Variants in ADCY5 observed in about 807,000 individuals in gnomAD.
The protein encoded by ADCY5 is adenylate cyclase 5.
Under a neutral mutation model 119.7 loss-of-function variants are expected in ADCY5, and 30 were observed. The observed-to-expected ratio is 0.25, with a 90% CI of 0.19 to 0.34. ADCY5 has a LOEUF of 0.34. Ranked by LOEUF, ADCY5 falls within the 10% of genes least tolerant of loss-of-function variation. ADCY5 has a pLI of 1.00. For missense variants in ADCY5, 1,324 were observed against 1,775.2 expected, an observed-to-expected ratio of 0.75 and a Z score of 4.57; for synonymous variants, 753 against 762.2, an observed-to-expected ratio of 0.99 and a Z score of 0.20.
chr3:123,327,906 T>G (rs1158421529), intron 6 of ADCY5, 147 bp from the exon 7 acceptor site: 1 of 934,658 alleles, frequency 1.1e-6, no homozygotes. Context: ...AACCTCAACC[T>G]TGCATGGTAC....
chr3:123,301,004 A>T (rs1939815425), intron 14 of ADCY5, among the ~76,000 whole-genome samples: 1 of 152,096 alleles, frequency 6.6e-6, no homozygotes, highest in Non-Finnish European at 1.5e-5. Context: ...AAGGTTTCAG[A>T]GGAGGGATCG....
intron 12 of ADCY5, 78 bp from the exon 13 acceptor site, chr3:123,304,261 G>T: frequency 1.0e-6 from 1 of 979,904 alleles, no homozygotes; most frequent in Non-Finnish European, 1.6e-6. Context: ...AAATGGTCCC[G>T]GGAGTGCAGT....
chr3:123,335,679 C>G (rs943134516), intron 3 of ADCY5, among the ~76,000 whole-genome samples: 13 of 152,154 alleles, frequency 8.5e-5, no homozygotes, highest in Non-Finnish European at 1.3e-4. Context: ...AGAGGGGTCA[C>G]TCTCAGCAGC....
At chr3:123,309,356 G>A (rs1342250745) in intron 12 of ADCY5, among the ~76,000 whole-genome samples, 1 of 152,242 alleles carries the variant, frequency 6.6e-6, no homozygotes, top group East Asian at 1.9e-4. Flanking sequence ...GCAGGCAGAA[G>A]GGGTCCCCAC....
At chr3:123,309,149 C>T (rs1355755260) in intron 12 of ADCY5, among the ~76,000 whole-genome samples, 2 of 152,176 alleles carry the variant, frequency 1.3e-5, no homozygotes, top group Non-Finnish European at 2.9e-5. Flanking sequence ...TGAGTGTCTC[C>T]AGGTACATCG....
At position 123,284,698 on chromosome 3, in the gene ADCY5, C is replaced by T. The variant is rs140582739; in HGVS notation, c.3696G>A (p.Thr1232=). Residue 1232 remains threonine (T), a synonymous_variant, in exon 21 of 21, where the codon ACG becomes ACA. Coordinates refer to ENST00000462833, the MANE Select transcript of ADCY5 (RefSeq NM_183357.3). ...CCACGCCCCGGCACTCCAGCTGGTA[C>T]GTGTTGGCAGCCAGCACCTGGTACA... ...TDMYQVLAAN[T]YQLECRGVVK... 1.8e-4 allele frequency: 293 copies of T among 1,614,216 alleles called. No homozygotes were observed. In the African/African-American group the frequency reaches 2.9e-3, roughly 16 times the overall value.
chr3:123,284,753 GGA>G lies in ADCY5; in HGVS notation c.3658-19_3658-18del, dbSNP rs1396636677. On this transcript the variant is annotated intron_variant, in intron 20 of 20. Transcript: ENST00000462833. ...TGTGGTGACCTGTGGGGGAACAGGA[GGA>G]GAGAGGGCAAGCCACTGATGGCCTT... 1 of 1,613,912 alleles carries G rather than the reference GGA, an allele frequency of 6.2e-7. No individual in the cohort carries two copies. Among genetic ancestry groups the G allele is most frequent in the South Asian group, 1.1e-5 (1 of 91,078 alleles).
Position 123,447,957 on chromosome 3 carries a change from C to G in ADCY5, c.589G>C (p.Ala197Pro). ...AGGGACAGCACCGCGCCGGGCCCCG[C>G]GCCCGAGCCCGAGTCCGCCGAGCTG... ...GGSSADSGSG[A>P]GPGAVLSLGA... The change falls in exon 1 of 21, where the codon GCG becomes CCG. Residue 197 changes from alanine (A) to proline (P), a missense_variant. Around this residue, in one of 6 missense-constraint regions of ADCY5, gnomAD observed 585 missense variants for 569.9 expected, o/e 1.03. Coordinates refer to ENST00000462833, the MANE Select transcript of ADCY5 (RefSeq NM_183357.3). 6.7e-7 allele frequency: 1 copy of G among 1,495,298 alleles called. No homozygotes were observed. The highest frequency in any genetic ancestry group is 8.9e-7 in the Non-Finnish European group (1 of 1,122,348). 92.6% of individuals were successfully genotyped at this position (1,495,298 alleles called of 1,614,324 possible). A position where few individuals can be genotyped will look rare whatever the true frequency, so the allele number is the denominator to read the frequency against.
Position 123,352,546 on chromosome 3 carries a change from G to A in ADCY5, c.1170C>T (p.Asn390=). 1.2e-6 allele frequency: 2 copies of A among 1,613,656 alleles called. No homozygotes were observed. Among genetic ancestry groups the A allele is most frequent in the Non-Finnish European group, 1.7e-6 (2 of 1,179,702 alleles). Residue 390 remains asparagine (N), a synonymous_variant, in exon 2 of 21, where the codon AAC becomes AAT. Coordinates refer to ENST00000462833, the MANE Select transcript of ADCY5 (RefSeq NM_183357.3). The surrounding 1 kb of genome is among the most constrained non-coding windows in gnomAD (Gnocchi z 4.8). ...VSNVLIFSCT[N]IVGVCTHYPA... ...GATAGTGGGTGCAGACACCCACGAT[G>A]TTGGTGCAGGAGAAAATGAGAACAT...
intron 1 of ADCY5, among the ~76,000 whole-genome samples, chr3:123,429,629 T>G (rs146934018): frequency 6.6e-6 from 1 of 151,684 alleles, no homozygotes; most frequent in East Asian, 1.9e-4. Context: ...AGCAACAGAA[T>G]GACAGTGACA....
Position 123,320,802 on chromosome 3 carries a change from A to AT in ADCY5, c.2089-32_2089-31insA, listed in dbSNP as rs765647287. 3.9e-6 allele frequency: 6 copies of AT among 1,529,668 alleles called. No homozygotes were observed. In the African/African-American group the frequency reaches 8.2e-5, roughly 21 times the overall value. 94.8% of individuals were successfully genotyped at this position (1,529,668 alleles called of 1,614,324 possible). A position where few individuals can be genotyped will look rare whatever the true frequency, so the allele number is the denominator to read the frequency against. ...AGAGAAGGATAGAAAGAGAAAGAGA[A>AT]GAGAATGAGAACAGAGAGAACTGAA... On this transcript the variant is annotated intron_variant, in intron 8 of 20. Coordinates refer to ENST00000462833, the MANE Select transcript of ADCY5 (RefSeq NM_183357.3).
At chr3:123,355,262 G>A (rs1456271857) in intron 1 of ADCY5, among the ~76,000 whole-genome samples, 1 of 152,126 alleles carries the variant, frequency 6.6e-6, no homozygotes, top group Non-Finnish European at 1.5e-5. Flanking sequence ...AAAGTCATAG[G>A]ATACAAGATC....
rs757362005 is a variant in ADCY5 at position 123,296,165 on chromosome 3, G to A, written c.2982C>T (p.Ile994=). The change falls in exon 17 of 21, where the codon ATC becomes ATT. Residue 994 remains isoleucine, a synonymous_variant. Transcript: ENST00000462833. The stretch of plus-strand genomic sequence containing the variant: ...GGTACAGGGCCAGCACAAAGACTGA[G>A]ATGATGATGGGCGTCACCACCTTCA... The part of the protein sequence containing the change: ...VALKVVTPII[I]SVFVLALYLH... The A allele has an allele frequency of 5.6e-6, 9 of 1,613,908 alleles. No homozygotes were observed. The highest frequency in any genetic ancestry group is 4.5e-5 in the East Asian group (2 of 44,896).
chr3:123,303,965 T>C, intron 13 of ADCY5, 102 bp downstream of exon 13: 1 of 823,424 alleles, frequency 1.2e-6, no homozygotes, highest in African/African-American at 1.7e-5. Context: ...AATAAGAACT[T>C]CCAGGGAAAG....
chr3:123,368,190 G>A (rs942073133), intron 1 of ADCY5: 18 of 609,504 alleles, frequency 3.0e-5, no homozygotes, highest in Middle Eastern at 4.6e-4. Context: ...AGCTAATGAC[G>A]CCTGCGAATA....
intron 3 of ADCY5, among the ~76,000 whole-genome samples, chr3:123,342,263 C>T (rs1042674409): frequency 1.3e-5 from 2 of 152,148 alleles, no homozygotes; most frequent in African/African-American, 4.8e-5. Context: ...CGGACATTGT[C>T]GCGTGGTCAT....
chr3:123,409,280 G>T (rs975616508), intron 1 of ADCY5, among the ~76,000 whole-genome samples: 1 of 152,112 alleles, frequency 6.6e-6, no homozygotes, highest in Non-Finnish European at 1.5e-5. Flanking sequence ...TGTGCTAGGG[G>T]CTGTGCTAGG....
intron 1 of ADCY5, among the ~76,000 whole-genome samples, chr3:123,437,523 T>G (rs554073034): frequency 6.6e-6 from 1 of 152,192 alleles, no homozygotes; most frequent in African/African-American, 2.4e-5. Flanking sequence ...TCTGCAGCGG[T>G]GTAGAATTTT....
chr3:123,434,709 G>A (rs1433603676), intron 1 of ADCY5, among the ~76,000 whole-genome samples: 1 of 152,042 alleles, frequency 6.6e-6, no homozygotes, highest in African/African-American at 2.4e-5. Flanking sequence ...AATAATCTGG[G>A]GTGGGCCTTG....
Sources: allele counts gnomAD v4.1 joint callset (sites outside exome capture counted in the v4.1 genomes callset), GRCh38; gene constraint gnomAD v4.1.1; regional missense constraint gnomAD v4.1.1; non-coding constraint Gnocchi (gnomAD v3.1); transcripts MANE v1.5; gene names NCBI Gene and HGNC (gene_info 2026-07-23, HGNC 2026-07-21).